Variants in TOPAZ1 observed in about 807,000 individuals in gnomAD.
TOPAZ1 encodes the protein protein TOPAZ1.
TOPAZ1 carries 66 observed loss-of-function variants against 172.2 expected under a neutral mutation model. The ratio of observed to expected loss-of-function variants is 0.38; its 90% CI spans 0.31 to 0.47. The LOEUF (loss-of-function observed/expected upper bound fraction) is 0.47, where lower values mean the gene tolerates loss of function less well. Among genes scored for constraint, TOPAZ1 ranks in the 20% least tolerant of loss-of-function variants. The pLI, the probability that TOPAZ1 is intolerant of heterozygous loss-of-function variation, is 0.99. For missense variants in TOPAZ1, 1,822 were observed against 1,972.4 expected (o/e 0.92, Z 1.44); for synonymous variants, 681 against 683.9 (o/e 1.00, Z 0.07).
chr3:44,251,294 T>C (rs1412805545), intron 2 of TOPAZ1, among the ~76,000 whole-genome samples: 1 of 152,124 alleles, frequency 6.6e-6, no homozygotes, highest in Non-Finnish European at 1.5e-5. Flanking sequence ...CTAATGTTTT[T>C]CTCTTTTTGT....
intron 8 of TOPAZ1, among the ~76,000 whole-genome samples, chr3:44,276,506 T>G (rs1699959150): frequency 6.6e-6 from 1 of 152,094 alleles, no homozygotes; most frequent in Non-Finnish European, 1.5e-5. Flanking sequence ...ACTTCTGGAT[T>G]CTCTGTTCTA....
chr3:44,271,577 G>C (rs1699899561), intron 8 of TOPAZ1, among the ~76,000 whole-genome samples: 1 of 151,826 alleles, frequency 6.6e-6, no homozygotes, highest in East Asian at 1.9e-4. Flanking sequence ...TATTACTTTA[G>C]AAGTTGCCTT....
chr3:44,249,868 A>C (rs756222883), intron 2 of TOPAZ1, among the ~76,000 whole-genome samples: 2 of 152,214 alleles, frequency 1.3e-5, no homozygotes, highest in Non-Finnish European at 2.9e-5. Context: ...TGCTAGATTA[A>C]GGAGGTTGGA....
intron 2 of TOPAZ1, among the ~76,000 whole-genome samples, chr3:44,252,192 C>T (rs1051330916): frequency 5.3e-5 from 8 of 152,244 alleles, no homozygotes; most frequent in African/African-American, 1.9e-4. Context: ...ATGAATGGAA[C>T]TTTCAGGATA....
Position 44,256,295 on chromosome 3 carries a change from T to C in TOPAZ1, c.2955+17T>C. 2 of 1,508,134 alleles carry C rather than the reference T, an allele frequency of 1.3e-6. No homozygotes were observed. Among genetic ancestry groups the C allele is most frequent in the South Asian group, 1.3e-5 (1 of 75,414 alleles). 93.4% of individuals were successfully genotyped at this position (1,508,134 alleles called of 1,614,324 possible). A position where few individuals can be genotyped will look rare whatever the true frequency, so the allele number is the denominator to read the frequency against. ...GATGAAAAGGTACTAGGGGATCTTT[T>C]GTGTTTTTTTATTTCTTGGTCTTAA... On this transcript the variant is annotated intron_variant, in intron 4 of 19. Coordinates refer to ENST00000309765, the MANE Select transcript of TOPAZ1 (RefSeq NM_001145030.2).
At chr3:44,335,627 GA>G (rs1183479656), downstream of TOPAZ1, among the ~76,000 whole-genome samples, 4 of 150,616 alleles carry the variant, frequency 2.7e-5, no homozygotes, top group South Asian at 2.1e-4. Context: ...CCATCTCAAA[GA>G]AAAAAAAATG....
chr3:44,296,566 G>C (rs1235102346), intron 12 of TOPAZ1, among the ~76,000 whole-genome samples: 2 of 151,556 alleles, frequency 1.3e-5, no homozygotes, highest in African/African-American at 4.9e-5. Context: ...AGATGAAAAG[G>C]AGCAAGTCCT....
chr3:44,304,920 T>TTG (rs1700317537), intron 13 of TOPAZ1, among the ~76,000 whole-genome samples: 1 of 152,150 alleles, frequency 6.6e-6, no homozygotes, highest in South Asian at 2.1e-4. Context: ...CAAATGTGCA[T>TTG]TGTTATTTGG....
At chr3:44,286,355 T>G (rs1380952157) in intron 9 of TOPAZ1, among the ~76,000 whole-genome samples, 2 of 152,212 alleles carry the variant, frequency 1.3e-5, no homozygotes, top group Non-Finnish European at 2.9e-5. Flanking sequence ...ATAATAACAC[T>G]GAGTTTACCG....
At chr3:44,268,363 A>ATTTTTTTTTTTTTT (rs1293339613) in intron 6 of TOPAZ1, among the ~76,000 whole-genome samples, 1 of 91,758 alleles carries the variant, frequency 1.1e-5, no homozygotes, top group Non-Finnish European at 2.2e-5. Context: ...TGTGGTGCCT[A>ATTTTTTTTTTTTTT]TTCTTTTTTT....
chr3:44,277,941 T>C (rs1699980973), intron 8 of TOPAZ1, among the ~76,000 whole-genome samples: 1 of 152,198 alleles, frequency 6.6e-6, no homozygotes, highest in Admixed American at 6.5e-5. Flanking sequence ...TGCAGAACCA[T>C]GGGCCAATTA....
At position 44,267,219 on chromosome 3, in the gene TOPAZ1, G is replaced by A. The variant is rs1164587287; in HGVS notation, c.3160+83G>A. 1.7e-5 allele frequency: 19 copies of A among 1,106,604 alleles called. No homozygotes were observed. In the Admixed American group the frequency reaches 2.3e-4, roughly 13 times the overall value. The allele number at this position is 1,106,604 out of a possible 1,614,324, so 68.5% of individuals were successfully genotyped here. A position where few individuals can be genotyped will look rare whatever the true frequency, so the allele number is the denominator to read the frequency against. The stretch of plus-strand genomic sequence containing the variant: ...GATTTTTCTACCAAAAACAAAAAAC[G>A]ATTAAAAAAGAAAAATGGAATCATG... On this transcript the variant is annotated intron_variant, in intron 6 of 19. Coordinates refer to ENST00000309765, the MANE Select transcript of TOPAZ1 (RefSeq NM_001145030.2).
At chr3:44,316,649 T>A (rs574119874) in intron 16 of TOPAZ1, among the ~76,000 whole-genome samples, 1 of 152,292 alleles carries the variant, frequency 6.6e-6, no homozygotes, top group Admixed American at 6.5e-5. Context: ...TTTTTAAATA[T>A]TTAATAATTT....
At chr3:44,277,219 A>T (rs1049580497) in intron 8 of TOPAZ1, among the ~76,000 whole-genome samples, 1 of 152,068 alleles carries the variant, frequency 6.6e-6, no homozygotes, top group African/African-American at 2.4e-5. Context: ...CTTTTACCTC[A>T]TTGGGTAAAT....
At chr3:44,268,114 A>G (rs187297403) in intron 6 of TOPAZ1, among the ~76,000 whole-genome samples, 2 of 152,308 alleles carry the variant, frequency 1.3e-5, no homozygotes, top group South Asian at 2.1e-4. Context: ...TAAAAGACCA[A>G]CATTAAGGGA....
chr3:44,328,357 A>C lies in TOPAZ1; in HGVS notation c.4783A>C (p.Ile1595Leu), dbSNP rs146327039. ...SEIEMLLAIE[I>L]FMVSNASSIQ... ...GATTGAAATGCTCTTAGCTATTGAA[A>C]TCTTCATGGTATCTAATGCTAGTAG... Residue 1595 changes from isoleucine (I) to leucine (L), a missense_variant, in exon 19 of 20, where the codon ATC becomes CTC. Ile to Leu is a conservative substitution (Grantham distance 5). Around this residue, in one of 2 missense-constraint regions of TOPAZ1, gnomAD observed 333 missense variants for 481.7 expected, o/e 0.69. Transcript: ENST00000309765. 2 of 1,524,976 alleles carry C rather than the reference A, an allele frequency of 1.3e-6. No individual in the cohort carries two copies. The highest frequency in any genetic ancestry group is 2.5e-5 in the South Asian group (2 of 79,430). The allele number at this position is 1,524,976 out of a possible 1,614,324, so 94.5% of individuals were successfully genotyped here.
intron 16 of TOPAZ1, among the ~76,000 whole-genome samples, chr3:44,316,683 C>T (rs1700454986): frequency 1.3e-5 from 2 of 152,050 alleles, no homozygotes; most frequent in South Asian, 4.1e-4. Context: ...TGCTTTTAGG[C>T]AGTCCTTAGT....
chr3:44,287,028 C>T (rs76515098), intron 9 of TOPAZ1, among the ~76,000 whole-genome samples: 111 of 152,308 alleles, frequency 7.3e-4, no homozygotes, highest in African/African-American at 2.6e-3. Flanking sequence ...CTGCATCCAT[C>T]ACCAAACTAT....
At chr3:44,266,375 G>C (rs928686706) in intron 5 of TOPAZ1, among the ~76,000 whole-genome samples, 5 of 152,252 alleles carry the variant, frequency 3.3e-5, no homozygotes, top group East Asian at 3.9e-4. Context: ...TTGACAGCTT[G>C]GTTAACTATT....
Sources: gnomAD v4.1 joint callset for allele counts (sites outside exome capture counted in the v4.1 genomes callset) on GRCh38, gnomAD v4.1.1 for gene constraint, gnomAD v4.1.1 regional missense constraint, MANE v1.5 for transcripts, NCBI Gene and HGNC (gene_info 2026-07-23, HGNC 2026-07-21) for gene names.